The following ZNF385D variants were observed in gnomAD, a reference collection of about 807,000 sequenced individuals.
The protein encoded by ZNF385D is zinc finger protein 659.
A neutral mutation model predicts 35.8 loss-of-function variants in ZNF385D; 15 were observed. That is an observed-to-expected ratio of 0.42 (90% confidence interval 0.28 to 0.64). The LOEUF (loss-of-function observed/expected upper bound fraction) is 0.64. Among genes scored for constraint, ZNF385D ranks in the 30% least tolerant of loss-of-function variants. The pLI is 0.23. For missense variants in ZNF385D, 474 were observed against 494.6 expected, an observed-to-expected ratio of 0.96 and a Z score of 0.39; for synonymous variants, 212 against 186.8, an observed-to-expected ratio of 1.13 and a Z score of -1.10.
chr3:22,162,673 T>C (rs1706040109), intron 3 of ZNF385D, among the ~76,000 whole-genome samples: 1 of 152,198 alleles, frequency 6.6e-6, no homozygotes, highest in South Asian at 2.1e-4. Flanking sequence ...AACCTCAGGA[T>C]AAGGTATAAA....
intron 4 of ZNF385D, among the ~76,000 whole-genome samples, chr3:21,503,836 C>T (rs1016401377): frequency 6.6e-6 from 1 of 152,092 alleles, no homozygotes; most frequent in Non-Finnish European, 1.5e-5. Context: ...CACTTACAGT[C>T]AATTATGAAT....
At chr3:21,831,177 T>G (rs1694966150) in intron 3 of ZNF385D, among the ~76,000 whole-genome samples, 1 of 152,144 alleles carries the variant, frequency 6.6e-6, no homozygotes, top group African/African-American at 2.4e-5. Flanking sequence ...CTTAAAAATT[T>G]TTTCTTTTTT....
intron 2 of ZNF385D, among the ~76,000 whole-genome samples, chr3:21,608,023 G>GT (rs572518584): frequency 0.014 from 1,637 of 120,224 alleles, 61 homozygotes; most frequent in African/African-American, 0.038. Context: ...TTTTTTTTTT[G>GT]TTTTTTTTTT....
At chr3:21,476,245 T>TA (rs2125360971) in intron 4 of ZNF385D, among the ~76,000 whole-genome samples, 1 of 152,238 alleles carries the variant, frequency 6.6e-6, no homozygotes, top group East Asian at 1.9e-4. Flanking sequence ...AGTCTGGATT[T>TA]AAGCATTGTC....
At chr3:22,319,638 C>G (rs1359740012) in intron 2 of ZNF385D, among the ~76,000 whole-genome samples, 3 of 152,048 alleles carry the variant, frequency 2.0e-5, no homozygotes, top group Non-Finnish European at 4.4e-5. Flanking sequence ...GTTTGTGAAT[C>G]CCTGAACACT....
chr3:21,834,009 T>C (rs989565632), intron 3 of ZNF385D, among the ~76,000 whole-genome samples: 1 of 152,180 alleles, frequency 6.6e-6, no homozygotes, highest in African/African-American at 2.4e-5. Context: ...CATTATTTTA[T>C]GGTGATAACT....
chr3:21,656,540 A>G (rs1173051212), intron 2 of ZNF385D, among the ~76,000 whole-genome samples: 1 of 151,886 alleles, frequency 6.6e-6, no homozygotes, highest in African/African-American at 2.4e-5. Context: ...GGCCCACTCT[A>G]ATGATCTCAT....
At chr3:22,131,624 G>A (rs1291980676) in intron 3 of ZNF385D, among the ~76,000 whole-genome samples, 1 of 152,150 alleles carries the variant, frequency 6.6e-6, no homozygotes, top group African/African-American at 2.4e-5. Context: ...ATAAGTGGAA[G>A]GGAAGGCCAC....
chr3:21,933,774 T>G (rs543433938), intron 3 of ZNF385D, among the ~76,000 whole-genome samples: 3 of 152,298 alleles, frequency 2.0e-5, no homozygotes, highest in African/African-American at 4.8e-5. Context: ...CAAAGATGCC[T>G]GAAAACAACA....
intron 2 of ZNF385D, among the ~76,000 whole-genome samples, chr3:22,203,342 C>T (rs183147281): frequency 3.9e-5 from 6 of 152,190 alleles, no homozygotes; most frequent in East Asian, 1.9e-4. Flanking sequence ...CAGGATTTAT[C>T]GCCTGCTGAT....
At chr3:21,800,786 C>A (rs950360414) in intron 3 of ZNF385D, among the ~76,000 whole-genome samples, 4 of 151,814 alleles carry the variant, frequency 2.6e-5, no homozygotes, top group South Asian at 4.1e-4. Flanking sequence ...TTTGTGGATT[C>A]CTTAAGATTT....
chr3:21,710,992 G>T (rs544104154), intron 1 of ZNF385D, among the ~76,000 whole-genome samples: 1 of 145,676 alleles, frequency 6.9e-6, no homozygotes, highest in East Asian at 2.0e-4. Context: ...TTTTGTCTTT[G>T]AGCAACTTAA....
At chr3:21,791,782 T>C (rs941114303) in intron 3 of ZNF385D, among the ~76,000 whole-genome samples, 18 of 152,224 alleles carry the variant, frequency 1.2e-4, no homozygotes, top group African/African-American at 4.3e-4. Context: ...GTCATCAGGC[T>C]GGAGTGTAGT....
chr3:21,421,817 A>G (rs1260787033), intron 7 of ZNF385D, among the ~76,000 whole-genome samples: 2 of 152,228 alleles, frequency 1.3e-5, no homozygotes, highest in Non-Finnish European at 2.9e-5. Flanking sequence ...ATATTTCTAA[A>G]GGGATTTTTA....
intron 3 of ZNF385D, among the ~76,000 whole-genome samples, chr3:21,807,491 C>T (rs1470677794): frequency 6.6e-6 from 1 of 152,026 alleles, no homozygotes; most frequent in Non-Finnish European, 1.5e-5. Flanking sequence ...ACAGAAACTA[C>T]AAAATTAAGA....
intron 3 of ZNF385D, among the ~76,000 whole-genome samples, chr3:22,013,641 A>G (rs1163420441): frequency 1.3e-5 from 2 of 152,164 alleles, no homozygotes; most frequent in African/African-American, 2.4e-5. Context: ...TTAATTAAGA[A>G]GGTGATTAGC....
At chr3:21,786,365 C>T (rs2071690404) in intron 3 of ZNF385D, among the ~76,000 whole-genome samples, 1 of 152,170 alleles carries the variant, frequency 6.6e-6, no homozygotes, top group African/African-American at 2.4e-5. Context: ...TTTGAGAACA[C>T]AGTACTCCTT....
At chr3:21,996,813 A>G (rs1328571614) in intron 3 of ZNF385D, among the ~76,000 whole-genome samples, 1 of 152,214 alleles carries the variant, frequency 6.6e-6, no homozygotes, top group Non-Finnish European at 1.5e-5. Context: ...AAGGGTAAGG[A>G]GGATTAGCAC....
chr3:21,615,037 G>A (rs1156726381), intron 2 of ZNF385D, among the ~76,000 whole-genome samples: 1 of 152,206 alleles, frequency 6.6e-6, no homozygotes, highest in African/African-American at 2.4e-5. Context: ...AACATTTTTG[G>A]TGAAAGATAA....
Sources: gnomAD v4.1 joint callset for allele counts (sites outside exome capture counted in the v4.1 genomes callset) on GRCh38, gnomAD v4.1.1 for gene constraint, MANE v1.5 for transcripts, NCBI Gene and HGNC (gene_info 2026-07-23, HGNC 2026-07-21) for gene names.